The following PKHD1L1 variants were observed in gnomAD, a reference collection of about 807,000 sequenced individuals.
The protein encoded by PKHD1L1 is PKHD1 like 1, also known as fibrocystin-L.
PKHD1L1 carries 434 observed loss-of-function variants against 462.9 expected under a neutral mutation model. The observed-to-expected ratio is 0.94, with a 90% CI of 0.87 to 1.02. PKHD1L1 has a LOEUF of 1.02. Ranked by LOEUF, PKHD1L1 falls within the 50% of genes least tolerant of loss-of-function variation. The probability of loss-of-function intolerance (pLI) is 0.00; values close to 1 mark genes in which losing one functional copy is unlikely to be tolerated. For synonymous variants in PKHD1L1, 1,781 were observed against 1,750.0 expected, an observed-to-expected ratio of 1.02 and a Z score of -0.44; for missense variants, 5,202 against 5,096.1, an observed-to-expected ratio of 1.02 and a Z score of -0.63.
chr8:109,461,889 G>C lies in PKHD1L1; in HGVS notation c.7364G>C (p.Gly2455Ala), dbSNP rs376981391. The C allele has an allele frequency of 6.2e-7, 1 of 1,602,236 alleles. No individual in the cohort carries two copies. Among genetic ancestry groups the C allele is most frequent in the African/African-American group, 1.3e-5 (1 of 74,746 alleles). ...GTACCTGGTGCTAACATGGTAACTG[G>C]GAGAATAGAATATGTAGAGGTGAGA... ...APVPGANMVTGRIEYVEVFHA... is the reference protein window; with the variant it reads ...APVPGANMVTARIEYVEVFHA... Residue 2455 changes from glycine to alanine, a missense_variant, in exon 48 of 78, where the codon GGG becomes GCG. This residue lies in a region of PKHD1L1 where 4,497 missense variants were observed against 4,336.8 expected (regional missense o/e 1.04). Coordinates refer to ENST00000378402, the MANE Select transcript of PKHD1L1 (RefSeq NM_177531.6).
At chr8:109,392,680 A>G (rs1052787528) in intron 9 of PKHD1L1, among the ~76,000 whole-genome samples, 3 of 152,184 alleles carry the variant, frequency 2.0e-5, no homozygotes, top group African/African-American at 7.2e-5. Flanking sequence ...ACCTAAAAAG[A>G]TAAAAAATCT....
chr8:109,420,891 G>A (rs1035047131), intron 23 of PKHD1L1, among the ~76,000 whole-genome samples: 1 of 151,906 alleles, frequency 6.6e-6, no homozygotes, highest in African/African-American at 2.4e-5. Flanking sequence ...GGAAAACAGG[G>A]AGAAATATCC....
intron 47 of PKHD1L1, 23 bp downstream of exon 47, chr8:109,459,859 T>C: frequency 6.3e-7 from 1 of 1,599,886 alleles, no homozygotes; most frequent in Non-Finnish European, 8.5e-7. Context: ...GCTCTCGTGG[T>C]TGGTATAATC....
intron 19 of PKHD1L1, among the ~76,000 whole-genome samples, chr8:109,411,669 A>G (rs1813863235): frequency 6.6e-6 from 1 of 152,016 alleles, no homozygotes; most frequent in Non-Finnish European, 1.5e-5. Flanking sequence ...TTTTGCACAC[A>G]TTTTGGACTC....
chr8:109,419,042 AT>A (rs1814324500), intron 21 of PKHD1L1, 54 bp from the exon 22 acceptor site: 1 of 1,419,526 alleles, frequency 7.0e-7, no homozygotes, highest in East Asian at 2.3e-5. Context: ...TCTAAAGTGT[AT>A]TTGCTTAAAC....
chr8:109,391,965 G>C (rs1812734223), intron 9 of PKHD1L1, among the ~76,000 whole-genome samples: 1 of 152,148 alleles, frequency 6.6e-6, no homozygotes, highest in East Asian at 1.9e-4. Flanking sequence ...AAAACTAAGA[G>C]TAAATCAGAG....
chr8:109,535,170 A>G lies in PKHD1L1; in HGVS notation c.*5080A>G, dbSNP rs10088258. Among the ~76,000 whole-genome samples the G allele has an allele frequency of 0.81, 123,217 of 151,896 alleles. 50,316 individuals are homozygous for G. The highest frequency in any genetic ancestry group is 0.95 in the Middle Eastern group (278 of 294). On this transcript the variant is annotated 3_prime_UTR_variant, in exon 78 of 78. Transcript: ENST00000378402. Reference sequence around the variant, plus strand: ...ACCCAGTTATAGACTGAGTAATTATAGTTGCTATGGTAATGGGCTCTGTGC... The same window carrying G: ...ACCCAGTTATAGACTGAGTAATTATGGTTGCTATGGTAATGGGCTCTGTGC...
At chr8:109,415,525 G>C (rs1814102978) in intron 21 of PKHD1L1, among the ~76,000 whole-genome samples, 1 of 152,112 alleles carries the variant, frequency 6.6e-6, no homozygotes, top group South Asian at 2.1e-4. Flanking sequence ...GACTCTACCA[G>C]GAGGAAATCA....
intron 17 of PKHD1L1, 69 bp from the exon 18 acceptor site, chr8:109,407,980 A>AC: frequency 9.5e-6 from 10 of 1,049,488 alleles, no homozygotes; most frequent in Non-Finnish European, 1.2e-5. Context: ...TATATATAAA[A>AC]TATATAGTTT....
At chr8:109,482,165 G>A (rs562367887) in intron 56 of PKHD1L1, among the ~76,000 whole-genome samples, 45 of 151,854 alleles carry the variant, frequency 3.0e-4, no homozygotes, top group African/African-American at 1.1e-3. Context: ...GAATGGTACT[G>A]CATATTTATT....
chr8:109,525,256 GA>G (rs1206812610), intron 76 of PKHD1L1, among the ~76,000 whole-genome samples: 5 of 152,158 alleles, frequency 3.3e-5, no homozygotes, highest in Non-Finnish European at 5.9e-5. Flanking sequence ...TTCTAACACA[GA>G]AAATAGTGAT....
intron 21 of PKHD1L1, among the ~76,000 whole-genome samples, chr8:109,417,948 G>A (rs1814270247): frequency 6.6e-6 from 1 of 152,172 alleles, no homozygotes; most frequent in Admixed American, 6.5e-5. Flanking sequence ...CACTGTTAGT[G>A]TTAAAAGTGC....
intron 41 of PKHD1L1, among the ~76,000 whole-genome samples, chr8:109,451,800 G>A (rs1816533147): frequency 1.3e-5 from 2 of 152,160 alleles, no homozygotes; most frequent in Non-Finnish European, 1.5e-5. Flanking sequence ...ATGGACAAGT[G>A]ATCCTTGAAA....
chr8:109,461,192 T>C (rs1480930089), intron 47 of PKHD1L1, among the ~76,000 whole-genome samples: 1 of 152,188 alleles, frequency 6.6e-6, no homozygotes, highest in Non-Finnish European at 1.5e-5. Context: ...AGTTGAACAA[T>C]AACTGATGCA....
At chr8:109,418,116 T>G (rs10107161) in intron 21 of PKHD1L1, among the ~76,000 whole-genome samples, 45,167 of 152,080 alleles carry the variant, frequency 0.3, 7,295 homozygotes, top group Admixed American at 0.43. Flanking sequence ...GATATCATTT[T>G]CAGTCTCCTT....
At position 109,452,799 on chromosome 8, in the gene PKHD1L1, C is replaced by A; in HGVS notation, c.6589C>A (p.Leu2197Ile). The change falls in exon 43 of 78, where the codon CTT becomes ATT. Residue 2197 changes from leucine to isoleucine, a missense_variant. Around this residue, in one of 3 missense-constraint regions of PKHD1L1, gnomAD observed 4,497 missense variants for 4,336.8 expected, o/e 1.04. Transcript: ENST00000378402. ...GGKSPPEEGSLVVITKGQTIL... is the reference protein window; with the variant it reads ...GGKSPPEEGSIVVITKGQTIL... ...AAAATCTCCCCCAGAAGAAGGATCTCTTGTTGTTATTACAAAAGGACAGAC... is the reference window on the plus strand; with the variant it reads ...AAAATCTCCCCCAGAAGAAGGATCTATTGTTGTTATTACAAAAGGACAGAC... 1 of 1,535,654 alleles carries A rather than the reference C, an allele frequency of 6.5e-7. No individual in the cohort carries two copies. Among genetic ancestry groups the A allele is most frequent in the East Asian group, 2.5e-5 (1 of 40,816 alleles).
At chr8:109,461,264 C>T (rs1817107535) in intron 47 of PKHD1L1, among the ~76,000 whole-genome samples, 1 of 152,160 alleles carries the variant, frequency 6.6e-6, no homozygotes, top group Admixed American at 6.5e-5. Flanking sequence ...GATTTTATGT[C>T]AAATGAGCTA....
intron 50 of PKHD1L1, among the ~76,000 whole-genome samples, chr8:109,467,213 C>T (rs1475205334): frequency 2.6e-5 from 4 of 152,244 alleles, no homozygotes; most frequent in East Asian, 3.9e-4. Context: ...ACACCAGATA[C>T]GCTTGGCATC....
chr8:109,504,461 T>A lies in PKHD1L1; in HGVS notation c.10963T>A (p.Ser3655Thr). 6.5e-7 allele frequency: 1 copy of A among 1,539,296 alleles called. No individual in the cohort carries two copies. The highest frequency in any genetic ancestry group is 8.8e-7 in the Non-Finnish European group (1 of 1,140,344). The change falls in exon 68 of 78, where the codon TCA becomes ACA. Residue 3655 changes from serine (S) to threonine (T), a missense_variant. By Grantham distance (58) the Ser-to-Thr change is moderately conservative. This residue lies in a region of PKHD1L1 where 698 missense variants were observed against 736.3 expected (regional missense o/e 0.95). Transcript: ENST00000378402. The part of the protein sequence containing the change: ...NIKLVDTTEQ[S>T]KIFIHRPDIS... The stretch of plus-strand genomic sequence containing the variant: ...AAAACTGGTTGATACCACTGAACAA[T>A]CAAAAATATTTATACATAGGCCTGA...
Sources: allele counts gnomAD v4.1 joint callset (sites outside exome capture counted in the v4.1 genomes callset), GRCh38; gene constraint gnomAD v4.1.1; regional missense constraint gnomAD v4.1.1; transcripts MANE v1.5; gene names NCBI Gene and HGNC (gene_info 2026-07-23, HGNC 2026-07-21).